The following PTPRN2 variants were observed in gnomAD, a reference collection of about 807,000 sequenced individuals.
PTPRN2 encodes the protein receptor-type tyrosine-protein phosphatase N2.
Under a neutral mutation model 118.8 loss-of-function variants are expected in PTPRN2, and 74 were observed. The ratio of observed to expected loss-of-function variants is 0.62; its 90% confidence interval spans 0.52 to 0.76. The LOEUF is 0.76. PTPRN2 is among the 30% of genes least tolerant of loss of function. PTPRN2 has a pLI of 0.00. For missense variants in PTPRN2, 1,481 were observed against 1,394.4 expected (o/e 1.06, Z -0.99); for synonymous variants, 641 against 608.0 (o/e 1.05, Z -0.80).
rs761128895 is a variant in PTPRN2 at position 158,166,368 on chromosome 7, G to A, written c.910+563C>T. Among the ~76,000 whole-genome samples the A allele has an allele frequency of 3.7e-3, 183 of 48,972 alleles. 64 individuals are homozygous for A. The highest frequency in any genetic ancestry group is 8.6e-3 in the East Asian group (8 of 930). The allele number at this position is 48,972 out of a possible 152,430, so 32.1% of individuals were successfully genotyped here. On this transcript the variant is annotated intron_variant, in intron 6 of 22. Coordinates refer to ENST00000389418, the MANE Select transcript of PTPRN2 (RefSeq NM_002847.5). ...GGATCATCTCCTCCTCCCACTGGCC[G>A]CCGCGTTCCCTGTCCTCACACCCTC...
At chr7:157,663,007 T>C (rs1255701446) in intron 13 of PTPRN2, among the ~76,000 whole-genome samples, 1 of 152,146 alleles carries the variant, frequency 6.6e-6, no homozygotes, top group Non-Finnish European at 1.5e-5. Context: ...TAAGTCAGTG[T>C]GGCTGTCATG....
chr7:157,906,325 C>T (rs547829183), intron 11 of PTPRN2, among the ~76,000 whole-genome samples: 8 of 152,314 alleles, frequency 5.3e-5, no homozygotes, highest in East Asian at 1.9e-4. Flanking sequence ...GGCGAGCTGC[C>T]GTGTCGCCGA....
At chr7:158,245,988 G>C (rs1025322661) in intron 3 of PTPRN2, among the ~76,000 whole-genome samples, 2 of 152,004 alleles carry the variant, frequency 1.3e-5, no homozygotes, top group African/African-American at 2.4e-5. Context: ...TCAGGGCCTG[G>C]TTGGCAGCAG....
intron 12 of PTPRN2, among the ~76,000 whole-genome samples, chr7:157,688,738 C>T (rs1265696942): frequency 6.6e-6 from 1 of 152,222 alleles, no homozygotes; most frequent in African/African-American, 2.4e-5. Context: ...CGCCTAGCGT[C>T]GCTTGTCAGA....
At chr7:157,993,420 C>T (rs749613322) in intron 11 of PTPRN2, among the ~76,000 whole-genome samples, 6 of 152,114 alleles carry the variant, frequency 3.9e-5, no homozygotes, top group Admixed American at 6.5e-5. Context: ...GGACATACCC[C>T]ATGTGCTTTT....
rs758260645 is a variant in PTPRN2 at position 157,578,159 on chromosome 7, C to G, written c.2497-19G>C. On this transcript the variant is annotated intron_variant, in intron 17 of 22. Coordinates refer to ENST00000389418, the MANE Select transcript of PTPRN2 (RefSeq NM_002847.5). ...ACACCATCTGCGGACAAAGAAGGCC[C>G]GTGGCCGCGGTGTGACTGTCTCATC... 6.3e-7 allele frequency: 1 copy of G among 1,596,226 alleles called. No individual in the cohort carries two copies. Among genetic ancestry groups the G allele is most frequent in the Non-Finnish European group, 8.6e-7 (1 of 1,168,858 alleles).
chr7:158,205,991 G>A (rs899432143), intron 3 of PTPRN2, among the ~76,000 whole-genome samples: 1 of 152,154 alleles, frequency 6.6e-6, no homozygotes, highest in South Asian at 2.1e-4. Context: ...TAAACTTGAA[G>A]GCTGCCTATG....
At chr7:158,029,891 G>A (rs1407643445) in intron 11 of PTPRN2, 2 of 152,328 alleles carry the variant, frequency 1.3e-5, no homozygotes, top group Admixed American at 6.5e-5. Context: ...ACGTTCACAG[G>A]CTTCTCCTCC....
Position 157,903,308 on chromosome 7 carries a change from T to G in PTPRN2, c.1724-4571A>C, listed in dbSNP as rs142638153. 3.5e-4 allele frequency among the ~76,000 whole-genome samples: 53 copies of G among 152,012 alleles called. No homozygotes were observed. Among genetic ancestry groups the G allele is most frequent in the African/African-American group, 1.2e-3 (51 of 41,448 alleles). On this transcript the variant is annotated intron_variant, in intron 11 of 22. Transcript: ENST00000389418. The surrounding 1 kb of genome is among the most constrained non-coding windows in gnomAD (Gnocchi z 4.2). ...GGAGGTGGGAGAAAAGGGCTGAAAC[T>G]CCCTCTGGGGGACGTGCTCACTACC...
At position 157,622,572 on chromosome 7, in the gene PTPRN2, C is replaced by T. The variant is rs1040002341; in HGVS notation, c.2197-1063G>A. Among the ~76,000 whole-genome samples the T allele has an allele frequency of 9.2e-5, 14 of 152,170 alleles. No homozygotes were observed. The highest frequency in any genetic ancestry group is 3.4e-4 in the African/African-American group (14 of 41,438). On this transcript the variant is annotated intron_variant, in intron 14 of 22. Coordinates refer to ENST00000389418, the MANE Select transcript of PTPRN2 (RefSeq NM_002847.5). The surrounding 1 kb of genome is among the most constrained non-coding windows in gnomAD (Gnocchi z 5.3). ...GAGGCGGGAATCTCAGGTCATCGTG[C>T]CGTCTAGTGGAAGTTTTGACCACAG...
chr7:157,765,154 C>T (rs907791389), intron 12 of PTPRN2, among the ~76,000 whole-genome samples: 8 of 151,604 alleles, frequency 5.3e-5, no homozygotes, highest in African/African-American at 1.9e-4. Context: ...ATCCATCCAT[C>T]CATCCTTCTT....
intron 6 of PTPRN2, among the ~76,000 whole-genome samples, chr7:158,162,463 TGGG>T (rs1822446567): frequency 1.3e-5 from 2 of 152,146 alleles, no homozygotes; most frequent in Non-Finnish European, 2.9e-5. Flanking sequence ...CATGAAAAGA[TGGG>T]GGAATCTTCA....
chr7:158,067,660 TCTGC>T (rs1365307269), intron 11 of PTPRN2, among the ~76,000 whole-genome samples: 9 of 151,850 alleles, frequency 5.9e-5, no homozygotes, highest in African/African-American at 1.9e-4. Flanking sequence ...ACCACGCAGC[TCTGC>T]CTGTGGCGAA....
At chr7:158,117,950 A>G (rs75405929) in intron 9 of PTPRN2, among the ~76,000 whole-genome samples, 167 of 152,334 alleles carry the variant, frequency 1.1e-3, no homozygotes, top group African/African-American at 3.7e-3. Flanking sequence ...AAATGAAAGG[A>G]CACTGGACAA....
At chr7:158,049,619 G>A (rs1015680400) in intron 11 of PTPRN2, among the ~76,000 whole-genome samples, 4 of 152,202 alleles carry the variant, frequency 2.6e-5, no homozygotes, top group African/African-American at 9.6e-5. Context: ...GCAACCTGAG[G>A]CCGGGCGCAG....
At chr7:158,302,768 C>T (rs1800988718) in intron 3 of PTPRN2, among the ~76,000 whole-genome samples, 1 of 152,208 alleles carries the variant, frequency 6.6e-6, no homozygotes, top group African/African-American at 2.4e-5. Flanking sequence ...CTGTAAGAGG[C>T]CCCTAAGCTC....
Position 158,507,698 on chromosome 7 carries a change from A to G in PTPRN2, c.113-17913T>C, listed in dbSNP as rs545199494. On this transcript the variant is annotated intron_variant, in intron 1 of 22. Coordinates refer to ENST00000389418, the MANE Select transcript of PTPRN2 (RefSeq NM_002847.5). ...GGGACAGCCCTGCGCTGGGCGGGAAATCACACACATGAAGGTGAGTGAGGA... is the reference window on the plus strand; with the variant it reads ...GGGACAGCCCTGCGCTGGGCGGGAAGTCACACACATGAAGGTGAGTGAGGA... Among the ~76,000 whole-genome samples the G allele has an allele frequency of 6.1e-5, 9 of 147,430 alleles. No homozygotes were observed. The East Asian group carries it at 1.9e-3, about 31-fold the overall frequency.
chr7:157,545,252 C>G (rs552587172), intron 22 of PTPRN2, among the ~76,000 whole-genome samples: 1 of 142,044 alleles, frequency 7.0e-6, no homozygotes, highest in South Asian at 2.3e-4. Flanking sequence ...TAGGTGTGCA[C>G]TGTGTGCAGG....
At position 157,949,201 on chromosome 7, in the gene PTPRN2, C is replaced by T. The variant is rs144163627; in HGVS notation, c.1724-50464G>A. 4.7e-3 allele frequency among the ~76,000 whole-genome samples: 718 copies of T among 152,264 alleles called. 8 individuals are homozygous for T. Among genetic ancestry groups the T allele is most frequent in the African/African-American group, 0.017 (688 of 41,560 alleles). Reference sequence around the variant, plus strand: ...ATATATGCTGTCGGTTAGGGACTCACGTAGGATCCAAAGTTGAAAGTAAAA... The same window carrying T: ...ATATATGCTGTCGGTTAGGGACTCATGTAGGATCCAAAGTTGAAAGTAAAA... On this transcript the variant is annotated intron_variant, in intron 11 of 22. Transcript: ENST00000389418.
Sources: gnomAD v4.1 joint callset for allele counts (sites outside exome capture counted in the v4.1 genomes callset) on GRCh38, gnomAD v4.1.1 for gene constraint, Gnocchi (gnomAD v3.1) non-coding constraint, MANE v1.5 for transcripts, NCBI Gene and HGNC (gene_info 2026-07-23, HGNC 2026-07-21) for gene names.